IL1RAPL1: variants seen among roughly 807,000 people sequenced by gnomAD.
IL1RAPL1 encodes interleukin-1 receptor accessory protein-like 1.
In IL1RAPL1, 3 loss-of-function variants were observed where a neutral mutation model predicts 48.4. The ratio of observed to expected loss-of-function variants is 0.06; its 90% CI spans 0.03 to 0.16. IL1RAPL1 has a LOEUF of 0.16. Among genes scored for constraint, IL1RAPL1 ranks in the 10% least tolerant of loss-of-function variants. IL1RAPL1 has a pLI of 1.00. For missense variants in IL1RAPL1, 349 were observed against 530.6 expected, an observed-to-expected ratio of 0.66 and a Z score of 3.36; for synonymous variants, 185 against 187.7, an observed-to-expected ratio of 0.99 and a Z score of 0.12.
intron 2 of IL1RAPL1, among the ~76,000 whole-genome samples, chrX:29,203,726 T>TAG (rs1289396722): frequency 1.6e-3 from 6 of 3,731 alleles, no homozygotes; most frequent in African/African-American, 3.2e-3. Flanking sequence ...TCTCAAAATA[T>TAG]ATATATATAT....
intron 6 of IL1RAPL1, among the ~76,000 whole-genome samples, chrX:29,695,140 G>A (rs1052759833): frequency 1.8e-5 from 2 of 111,804 alleles, no homozygotes; most frequent in East Asian, 5.6e-4. Flanking sequence ...ATTTACTGAG[G>A]ACTACTCATG....
At chrX:29,202,046 C>A (rs1478076031) in intron 2 of IL1RAPL1, among the ~76,000 whole-genome samples, 1 of 112,268 alleles carries the variant, frequency 8.9e-6, no homozygotes, top group Non-Finnish European at 1.9e-5. Flanking sequence ...TTAAGTTTCC[C>A]TACCACTGTA....
intron 5 of IL1RAPL1, among the ~76,000 whole-genome samples, chrX:29,614,920 A>G (rs1488904029): frequency 9.2e-6 from 1 of 109,245 alleles, no homozygotes; most frequent in Admixed American, 9.8e-5. Flanking sequence ...AGATCGCGAC[A>G]CTGCACTCCA....
chrX:29,558,967 T>C (rs890998859), intron 5 of IL1RAPL1, among the ~76,000 whole-genome samples: 1 of 112,085 alleles, frequency 8.9e-6, no homozygotes, highest in Admixed American at 9.5e-5. Context: ...GGAAATGTGA[T>C]GCCTCCAAGT....
chrX:29,161,215 G>T (rs916383574), intron 2 of IL1RAPL1, among the ~76,000 whole-genome samples: 1 of 111,823 alleles, frequency 8.9e-6, no homozygotes, highest in Admixed American at 9.5e-5. Flanking sequence ...CTCAAGTACA[G>T]CTATAAAATG....
chrX:28,892,149 A>G (rs1293886495), intron 2 of IL1RAPL1, among the ~76,000 whole-genome samples: 3 of 111,041 alleles, frequency 2.7e-5, no homozygotes, highest in Non-Finnish European at 5.7e-5. Context: ...GAGACCACCA[A>G]ACAGGCTTTG....
intron 5 of IL1RAPL1, among the ~76,000 whole-genome samples, chrX:29,619,850 A>G (rs1001144221): frequency 1.3e-4 from 15 of 111,672 alleles, no homozygotes; most frequent in Non-Finnish European, 2.5e-4. Context: ...TCATAACTAC[A>G]TTTTCTGAAA....
intron 1 of IL1RAPL1, among the ~76,000 whole-genome samples, chrX:28,768,755 C>CTCTATA (rs1364972830): frequency 5.7e-5 from 2 of 34,866 alleles, no homozygotes; most frequent in African/African-American, 1.2e-4. Context: ...CTCTCTCTCT[C>CTCTATA]TATATATATA....
chrX:28,866,209 G>A (rs185776757), intron 2 of IL1RAPL1, among the ~76,000 whole-genome samples: 10 of 112,462 alleles, frequency 8.9e-5, no homozygotes, highest in Admixed American at 5.7e-4. Flanking sequence ...AAAAAGGAAT[G>A]AATTAATGGC....
At chrX:29,947,796 A>G (rs1933242835) in intron 9 of IL1RAPL1, among the ~76,000 whole-genome samples, 1 of 96,514 alleles carries the variant, frequency 1.0e-5, no homozygotes, top group African/African-American at 3.9e-5. Flanking sequence ...GGTGGTAGTT[A>G]GACCATTTAC....
chrX:29,116,131 T>G (rs964406674), intron 2 of IL1RAPL1, among the ~76,000 whole-genome samples: 1 of 111,594 alleles, frequency 9.0e-6, no homozygotes, highest in African/African-American at 3.2e-5. Flanking sequence ...TTTATATAAT[T>G]AATTTTATTT....
At chrX:29,260,803 T>C (rs1931843049) in intron 2 of IL1RAPL1, among the ~76,000 whole-genome samples, 1 of 110,055 alleles carries the variant, frequency 9.1e-6, no homozygotes, top group Non-Finnish European at 1.9e-5. Context: ...CCCAGTTTGC[T>C]TGATTGATCA....
At chrX:28,894,814 T>C (rs1321604251) in intron 2 of IL1RAPL1, among the ~76,000 whole-genome samples, 1 of 111,147 alleles carries the variant, frequency 9.0e-6, no homozygotes, top group Admixed American at 9.6e-5. Context: ...GCACTAACCA[T>C]GCCTAGGAAA....
intron 2 of IL1RAPL1, among the ~76,000 whole-genome samples, chrX:28,818,340 G>C (rs771738517): frequency 9.1e-6 from 1 of 110,474 alleles, no homozygotes; most frequent in Admixed American, 9.7e-5. Context: ...GAAATGGTAG[G>C]TGACCTTGAA....
chrX:29,439,851 G>GTTTTTTTTTT (rs760458968), intron 5 of IL1RAPL1, among the ~76,000 whole-genome samples: 7 of 59,861 alleles, frequency 1.2e-4, no homozygotes, highest in African/African-American at 2.9e-4. Flanking sequence ...TGTTTGTTTG[G>GTTTTTTTTTT]TTTTTTTTTT....
intron 5 of IL1RAPL1, among the ~76,000 whole-genome samples, chrX:29,488,077 C>A (rs898177313): frequency 2.7e-5 from 3 of 111,996 alleles, no homozygotes; most frequent in Non-Finnish European, 5.6e-5. Context: ...CAAGGAAGGA[C>A]ACTACAGATC....
rs376482180 is a variant in IL1RAPL1, at chrX:29,954,496, G to A, written c.1202-26G>A. 109 of 1,182,312 alleles carry A rather than the reference G, an allele frequency of 9.2e-5. No individual in the cohort carries two copies. In the South Asian group the frequency reaches 1.6e-3, roughly 18 times the overall value. The stretch of plus-strand genomic sequence containing the variant: ...GTTATCTTTGTAGAGTAGTGACTTC[G>A]ACTTTTCTTTGGAATTTTTTGACAG... On this transcript the variant is annotated intron_variant, in intron 9 of 10. Coordinates refer to ENST00000378993, the MANE Select transcript of IL1RAPL1 (RefSeq NM_014271.4).
chrX:28,713,711 A>G (rs1381516057), intron 1 of IL1RAPL1, among the ~76,000 whole-genome samples: 1 of 111,437 alleles, frequency 9.0e-6, no homozygotes, highest in East Asian at 2.8e-4. Context: ...CTCATACATG[A>G]TATTTTGGTT....
chrX:29,463,243 G>A (rs939133084), intron 5 of IL1RAPL1, among the ~76,000 whole-genome samples: 21 of 110,234 alleles, frequency 1.9e-4, no homozygotes, highest in East Asian at 1.4e-3. Context: ...TAGACAAATA[G>A]CCTTCATAGT....
Sources: allele counts gnomAD v4.1 joint callset (sites outside exome capture counted in the v4.1 genomes callset), GRCh38; gene constraint gnomAD v4.1.1; transcripts MANE v1.5; gene names NCBI Gene and HGNC (gene_info 2026-07-23, HGNC 2026-07-21).